Variants in DPEP2 observed in about 807,000 individuals in gnomAD.
DPEP2 encodes the protein dipeptidase 2.
A neutral mutation model predicts 51.8 loss-of-function variants in DPEP2; 45 were observed. That is an observed-to-expected ratio of 0.87 (90% CI 0.68 to 1.11). The LOEUF (loss-of-function observed/expected upper bound fraction) is 1.11, where lower values mean the gene tolerates loss of function less well. Among genes scored for constraint, DPEP2 ranks in the 50% most tolerant of loss-of-function variants. The pLI, the probability that DPEP2 is intolerant of heterozygous loss-of-function variation, is 0.00. For missense variants in DPEP2, 604 were observed against 631.9 expected (o/e 0.96, Z 0.47); for synonymous variants, 255 against 262.7 (o/e 0.97, Z 0.28).
At chr16:67,996,002 C>CAAA (rs1415781343) in intron 1 of DPEP2, among the ~76,000 whole-genome samples, 2 of 151,878 alleles carry the variant, frequency 1.3e-5, no homozygotes, top group South Asian at 2.1e-4. Context: ...ACAACAACAA[C>CAAA]AAAAATCACT....
At position 67,991,769 on chromosome 16, in the gene DPEP2, G is replaced by T. The variant is rs140512024; in HGVS notation, c.662+69C>A. 57 of 1,577,918 alleles carry T rather than the reference G, an allele frequency of 3.6e-5. No individual in the cohort carries two copies. The East Asian group carries it at 1.2e-3, about 33-fold the overall frequency. On this transcript the variant is annotated intron_variant, in intron 5 of 10. Coordinates refer to ENST00000393847, the MANE Select transcript of DPEP2 (RefSeq NM_022355.4). This position sits in a 1 kb window ranked among gnomAD's most constrained non-coding sequence, Gnocchi z 5.1. ...ATCCCATGGGTAAAGCTTGTTCTGG[G>T]CCCACAGTGACCTCAGGCAGATCTC... is the stretch of plus-strand genomic sequence containing the variant.
chr16:67,992,250 T>G, intron 3 of DPEP2, 57 bp from the exon 4 acceptor site: 1 of 1,588,272 alleles, frequency 6.3e-7, no homozygotes, highest in Non-Finnish European at 8.6e-7. Context: ...GACCCTGGAC[T>G]GCTCACAGCC....
At chr16:67,990,015 A>T (rs1299924567) in intron 8 of DPEP2, 32 bp downstream of exon 8, 1 of 1,612,202 alleles carries the variant, frequency 6.2e-7, no homozygotes, top group Non-Finnish European at 8.5e-7. Flanking sequence ...TGCAAATCAG[A>T]ACTGTTCAGA....
chr16:67,995,049 C>T (rs919430420), intron 1 of DPEP2: 6 of 234,032 alleles, frequency 2.6e-5, no homozygotes, highest in African/African-American at 7.0e-5. Context: ...TACAGGCATG[C>T]GCCACCACGC....
chr16:67,992,657 G>A, intron 2 of DPEP2, 21 bp from the exon 3 acceptor site: 2 of 1,609,266 alleles, frequency 1.2e-6, no homozygotes, highest in Non-Finnish European at 1.7e-6. Context: ...GTCAAGCCAG[G>A]GTCAGGTGAA....
intron 9 of DPEP2, 110 bp from the exon 10 acceptor site, chr16:67,988,097 A>T: frequency 7.1e-7 from 1 of 1,415,384 alleles, no homozygotes; most frequent in Non-Finnish European, 9.7e-7. Flanking sequence ...GGAAGTGGAG[A>T]CTTGGAGAGA....
At chr16:67,988,404 AGAAAGAAAG>A (rs60586674) in intron 9 of DPEP2, among the ~76,000 whole-genome samples, 7,617 of 150,186 alleles carry the variant, frequency 0.051, 546 homozygotes, top group African/African-American at 0.17. Context: ...AAAGAAAGAA[AGAAAGAAAG>A]GAAAGAAAGG....
chr16:67,992,128 C>T lies in DPEP2; in HGVS notation c.456G>A (p.Gln152=), dbSNP rs749483316. 6.8e-6 allele frequency: 11 copies of T among 1,614,076 alleles called. No homozygotes were observed. The highest frequency in any genetic ancestry group is 4.0e-5 in the African/African-American group (3 of 74,922). The change falls in exon 4 of 11, where the codon CAG becomes CAA. Residue 152 remains glutamine, a synonymous_variant. Transcript: ENST00000393847. The part of the protein sequence containing the change: ...DRDALRLTLE[Q]IDLIRRMCAS... Reference sequence around the variant, plus strand: ...CACACATGCGGCGTATGAGGTCAATCTGCTCCAGGGTGAGGCGCAGGGCAT... The same window carrying T: ...CACACATGCGGCGTATGAGGTCAATTTGCTCCAGGGTGAGGCGCAGGGCAT...
In DPEP2 at chr16:67,991,944, C is replaced by T. The variant is rs201302210; in HGVS notation, c.556G>A (p.Gly186Ser). The T allele has an allele frequency of 6.2e-6, 10 of 1,614,172 alleles. No homozygotes were observed. The highest frequency in any genetic ancestry group is 2.7e-5 in the African/African-American group (2 of 75,050). ...NDTQKLACLIGVEGGHSLDNS... is the reference protein window; with the variant it reads ...NDTQKLACLISVEGGHSLDNS... ...TCCAGCGAGTGGCCACCCTCTACACCGATGAGGCAGGCCAATTTCTGAGTG... is the reference window on the plus strand; with the variant it reads ...TCCAGCGAGTGGCCACCCTCTACACTGATGAGGCAGGCCAATTTCTGAGTG... The change falls in exon 5 of 11, where the codon GGT becomes AGT. Residue 186 changes from glycine (G) to serine (S), a missense_variant. Coordinates refer to ENST00000393847, the MANE Select transcript of DPEP2 (RefSeq NM_022355.4). This position sits in a 1 kb window ranked among gnomAD's most constrained non-coding sequence, Gnocchi z 5.1.
chr16:67,988,028 T>C, intron 9 of DPEP2, 41 bp from the exon 10 acceptor site: 1 of 1,613,274 alleles, frequency 6.2e-7, no homozygotes, highest in South Asian at 1.1e-5. Flanking sequence ...CCTGATTCCC[T>C]GATCATGACT....
chr16:67,998,529 C>G (rs1323307101), intron 1 of DPEP2, among the ~76,000 whole-genome samples: 1 of 152,346 alleles, frequency 6.6e-6, no homozygotes, highest in Non-Finnish European at 1.5e-5. Flanking sequence ...CGGCCGGAGC[C>G]TCCCCGGTGA....
rs1303532869 is a variant in DPEP2 at position 67,992,081 on chromosome 16, A to G, written c.503T>C (p.Leu168Pro). Residue 168 changes from leucine (L) to proline (P), a missense_variant, in exon 4 of 11, where the codon CTT (leucine) becomes CCT (proline). Physicochemically the swap from Leu to Pro is moderately conservative, Grantham distance 98. Transcript: ENST00000393847. ...TTGCCTACCTTTAGCCGAGGTCACA[A>G]GCTCCAGCTCAGAATAGGAGGCACA... Reference protein sequence around the residue: ...RMCASYSELELVTSAKALNDT... With the variant: ...RMCASYSELEPVTSAKALNDT... 1.3e-5 allele frequency: 21 copies of G among 1,614,048 alleles called. No individual in the cohort carries two copies. The highest frequency in any genetic ancestry group is 1.7e-5 in the Non-Finnish European group (20 of 1,180,038).
intron 9 of DPEP2, 123 bp downstream of exon 9, chr16:67,989,200 G>C (rs1400704925): frequency 9.6e-7 from 1 of 1,038,952 alleles, no homozygotes; most frequent in African/African-American, 1.6e-5. Context: ...AGACAAACAG[G>C]AGAGCCCAGA....
At position 67,991,589 on chromosome 16, in the gene DPEP2, GCTGGTCTCGAACT is replaced by G. The variant is rs1205849549; in HGVS notation, c.662+236_662+248del. The G allele has an allele frequency of 1.8e-6, 1 of 560,260 alleles. No individual in the cohort carries two copies. Among genetic ancestry groups the G allele is most frequent in the Non-Finnish European group, 3.1e-6 (1 of 322,702 alleles). 34.7% of individuals were successfully genotyped at this position (560,260 alleles called of 1,614,324 possible). On this transcript the variant is annotated intron_variant, in intron 5 of 10. Coordinates refer to ENST00000393847, the MANE Select transcript of DPEP2 (RefSeq NM_022355.4). This position sits in a 1 kb window ranked among gnomAD's most constrained non-coding sequence, Gnocchi z 5.1. ...GATAGGGTTTCACCATCTTGGCCAG[GCTGGTCTCGAACT>G]CCTGGCCTTAAGTTATCTGTCCGCC...
At position 67,991,874 on chromosome 16, in the gene DPEP2, C is replaced by T. The variant is rs373145757; in HGVS notation, c.626G>A (p.Arg209His). Reference protein sequence around the residue: ...ILRTFYMLGVRYLTLTHTCNT... With the variant: ...ILRTFYMLGVHYLTLTHTCNT... Reference sequence around the variant, plus strand: ...GCAGGTGTGGGTGAGCGTCAGGTAGCGCACTCCCAGCATGTAGAAGGTACG... The same window carrying T: ...GCAGGTGTGGGTGAGCGTCAGGTAGTGCACTCCCAGCATGTAGAAGGTACG... The change falls in exon 5 of 11, where the codon CGC (arginine) becomes CAC (histidine). Residue 209 changes from arginine to histidine, a missense_variant. Arg to His is a conservative substitution (Grantham distance 29). Coordinates refer to ENST00000393847, the MANE Select transcript of DPEP2 (RefSeq NM_022355.4). This position sits in a 1 kb window ranked among gnomAD's most constrained non-coding sequence, Gnocchi z 5.1. 39 of 1,614,010 alleles carry T rather than the reference C, an allele frequency of 2.4e-5. No individual in the cohort carries two copies. The highest frequency in any genetic ancestry group is 4.5e-5 in the East Asian group (2 of 44,886).
Position 67,987,692 on chromosome 16 carries a change from G to A in DPEP2, c.1275C>T (p.Ser425=), listed in dbSNP as rs749435567. Residue 425 remains serine, a synonymous_variant, in exon 11 of 11, where the codon TCC becomes TCT. Coordinates refer to ENST00000393847, the MANE Select transcript of DPEP2 (RefSeq NM_022355.4). ...GCAGACGTGAGAGGTCGGAGTGGCA[G>A]GAACTGCTCAGCTGCTCATCCGGGA... is the stretch of plus-strand genomic sequence containing the variant. The part of the protein sequence containing the change: ...DKFPDEQLSS[S]CHSDLSRLRQ... The A allele has an allele frequency of 1.9e-6, 3 of 1,614,212 alleles. No individual in the cohort carries two copies. The highest frequency in any genetic ancestry group is 2.5e-6 in the Non-Finnish European group (3 of 1,180,042).
chr16:67,988,126 C>T, intron 9 of DPEP2, 139 bp from the exon 10 acceptor site: 1 of 1,044,756 alleles, frequency 9.6e-7, no homozygotes, highest in Non-Finnish European at 1.4e-6. Flanking sequence ...TTCTCCTCTG[C>T]TCTTTATCCT....
At chr16:67,993,890 C>A (rs985219194) in intron 1 of DPEP2, 20 of 985,584 alleles carry the variant, frequency 2.0e-5, no homozygotes, top group Non-Finnish European at 2.2e-5. Context: ...CAAGCCTATA[C>A]TCTGGGGAAT....
At position 67,992,958 on chromosome 16, in the gene DPEP2, G is replaced by C. The variant is rs141447841; in HGVS notation, c.255C>G (p.Leu85=). The change falls in exon 2 of 11, where the codon CTC becomes CTG. Residue 85 remains leucine, a synonymous_variant. Transcript: ENST00000393847. ...TTGCAGCAATTACGCACCCGTCCACGAGCGGGAAGTCCCGCATCAGGGCCC... is the reference window on the plus strand; with the variant it reads ...TTGCAGCAATTACGCACCCGTCCACCAGCGGGAAGTCCCGCATCAGGGCCC... ...QARALMRDFP[L]VDGHNDLPLV... The C allele has an allele frequency of 4.3e-6, 7 of 1,610,880 alleles. No individual in the cohort carries two copies. In the Admixed American group the frequency reaches 5.0e-5, roughly 12 times the overall value.
Sources: gnomAD v4.1 joint callset for allele counts (sites outside exome capture counted in the v4.1 genomes callset) on GRCh38, gnomAD v4.1.1 for gene constraint, Gnocchi (gnomAD v3.1) non-coding constraint, MANE v1.5 for transcripts, NCBI Gene and HGNC (gene_info 2026-07-23, HGNC 2026-07-21) for gene names.